GOLGA8A: variants seen among roughly 807,000 people sequenced by gnomAD.
The protein encoded by GOLGA8A is golgin A8 family member A, also known as golgin subfamily A member 8A.
GOLGA8A carries 3 observed loss-of-function variants against 22.1 expected under a neutral mutation model. The ratio of observed to expected loss-of-function variants is 0.14; its 90% CI spans 0.06 to 0.35. The LOEUF (loss-of-function observed/expected upper bound fraction) is 0.35, where lower values mean the gene tolerates loss of function less well. GOLGA8A is among the 10% of genes least tolerant of loss of function. The pLI is 1.00. For missense variants in GOLGA8A, 16 were observed against 233.2 expected, an observed-to-expected ratio of 0.07 and a Z score of 6.07; for synonymous variants, 7 against 91.7, an observed-to-expected ratio of 0.08 and a Z score of 5.28.
chr15:34,424,927 C>A (rs1892921306), intron 2 of GOLGA8A, among the ~76,000 whole-genome samples: 1 of 140,280 alleles, frequency 7.1e-6, no homozygotes, highest in African/African-American at 2.7e-5. Flanking sequence ...TGGAAAAACC[C>A]CACCTCTACA....
chr15:34,426,815 A>G lies in GOLGA8A; in HGVS notation c.-1123+8568T>C, dbSNP rs536784906. On this transcript the variant is annotated intron_variant, in intron 2 of 24. Transcript: ENST00000359187. ...TCCCAGCTACTCAGGAGACCGAGGCAGGAGGATTGCCTGAGCCCAGGAGTT... is the reference window on the plus strand; with the variant it reads ...TCCCAGCTACTCAGGAGACCGAGGCGGGAGGATTGCCTGAGCCCAGGAGTT... Among the ~76,000 whole-genome samples the G allele has an allele frequency of 3.4e-3, 462 of 134,862 alleles. 4 individuals are homozygous for G. Among genetic ancestry groups the G allele is most frequent in the South Asian group, 0.013 (44 of 3,326 alleles). The allele number at this position is 134,862 out of a possible 152,430, so 88.5% of individuals were successfully genotyped here.
intron 5 of GOLGA8A, among the ~76,000 whole-genome samples, chr15:34,403,028 T>A (rs868289866): frequency 0.029 from 3,228 of 110,420 alleles, 82 homozygotes; most frequent in African/African-American, 0.12. Flanking sequence ...TGAAGCATTA[T>A]GAAGTTTCAA....
At chr15:34,434,766 C>A (rs1233678019) in intron 2 of GOLGA8A, among the ~76,000 whole-genome samples, 1 of 149,422 alleles carries the variant, frequency 6.7e-6, no homozygotes, top group Non-Finnish European at 1.5e-5. Flanking sequence ...TCTGGGAGGC[C>A]TGCCTGGTCA....
chr15:34,417,387 C>T lies in GOLGA8A; in HGVS notation c.-1122-9652G>A, dbSNP rs201263072. 26 of 83,230 alleles carry T rather than the reference C, an allele frequency of 3.1e-4. 1 individual carries two copies. Among genetic ancestry groups the T allele is most frequent in the African/African-American group, 8.1e-4 (21 of 25,944 alleles). The allele number at this position is 83,230 out of a possible 1,614,324, so 5.2% of individuals were successfully genotyped here. ...ACAATCTTTATTCTTCACTGTAATT[C>T]CCATGGAGCCTCAGGAAAAAGAGCA... On this transcript the variant is annotated intron_variant, in intron 2 of 24. Coordinates refer to ENST00000359187, the MANE Select transcript of GOLGA8A (RefSeq NM_181077.5).
At position 34,380,100 on chromosome 15, in the gene GOLGA8A, T is replaced by C. The variant is rs963663210; in HGVS notation, c.*1311A>G. On this transcript the variant is annotated 3_prime_UTR_variant, in exon 25 of 25. Transcript: ENST00000359187. ...TAATACTGTCTACTAAAATTCCTTT[T>C]TGTTTCAACTAAGTACTCTCACATA... is the stretch of plus-strand genomic sequence containing the variant. The C allele has an allele frequency of 5.2e-5, 8 of 152,542 alleles. No homozygotes were observed. Among genetic ancestry groups the C allele is most frequent in the Non-Finnish European group, 1.0e-4 (7 of 68,052 alleles). The allele number at this position is 152,542 out of a possible 1,614,324, so 9.4% of individuals were successfully genotyped here. A position where few individuals can be genotyped will look rare whatever the true frequency, so the allele number is the denominator to read the frequency against.
At chr15:34,419,874 G>GT (rs1892725573) in intron 2 of GOLGA8A, 2 of 132,884 alleles carry the variant, frequency 1.5e-5, no homozygotes, top group South Asian at 2.8e-4. Context: ...ACAAATGATT[G>GT]TATGATTTCA....
intron 5 of GOLGA8A, among the ~76,000 whole-genome samples, chr15:34,402,940 T>A (rs1412161008): frequency 1.1e-5 from 1 of 89,514 alleles, no homozygotes; most frequent in African/African-American, 5.1e-5. Context: ...GACAAAAAAA[T>A]TTCGATGGAC....
In GOLGA8A at chr15:34,437,414, G is replaced by GC. The variant is rs1302582580; in HGVS notation, c.-1229dup. On this transcript the variant is annotated 5_prime_UTR_variant, in exon 1 of 25. Transcript: ENST00000359187. ...CCAGCTTACCTGGCCAGGGCGCGGGGCTGCCCCGGTCCGCCGCCGTCCTCG... is the reference window on the plus strand; with the variant it reads ...CCAGCTTACCTGGCCAGGGCGCGGGGCCTGCCCCGGTCCGCCGCCGTCCTCG... The GC allele has an allele frequency of 3.5e-5, 5 of 141,260 alleles. No individual in the cohort carries two copies. The highest frequency in any genetic ancestry group is 2.1e-4 in the East Asian group (1 of 4,746). 8.8% of individuals were successfully genotyped at this position (141,260 alleles called of 1,614,324 possible).
At chr15:34,430,996 AAG>A (rs1893204419) in intron 2 of GOLGA8A, among the ~76,000 whole-genome samples, 1 of 124,086 alleles carries the variant, frequency 8.1e-6, no homozygotes, top group Non-Finnish European at 1.8e-5. Flanking sequence ...ATTACACCAA[AAG>A]ACTGAGAAAC....
chr15:34,437,314 C>A (rs1011464482), intron 1 of GOLGA8A, 84 bp downstream of exon 1: 3 of 143,868 alleles, frequency 2.1e-5, no homozygotes, highest in African/African-American at 2.6e-5. Context: ...CGCCGCCCCC[C>A]ACGCGTCCGG....
intron 2 of GOLGA8A, among the ~76,000 whole-genome samples, chr15:34,431,318 T>C (rs59949013): frequency 0.014 from 187 of 12,914 alleles, 1 homozygote; most frequent in African/African-American, 0.023. Flanking sequence ...TATACATATA[T>C]ATATATATAT....
At chr15:34,420,387 G>A (rs1892749178) in intron 2 of GOLGA8A, 1 of 147,732 alleles carries the variant, frequency 6.8e-6, no homozygotes, top group African/African-American at 2.5e-5. Context: ...TGAACTGTAA[G>A]GAGCACGCAG....
At chr15:34,426,302 G>A (rs1323891009) in intron 2 of GOLGA8A, among the ~76,000 whole-genome samples, 7 of 149,512 alleles carry the variant, frequency 4.7e-5, no homozygotes, top group Non-Finnish European at 1.0e-4. Context: ...GCTGGTGAGC[G>A]GATCGAACTG....
At chr15:34,427,214 C>T (rs11073037) in intron 2 of GOLGA8A, among the ~76,000 whole-genome samples, 79,657 of 144,758 alleles carry the variant, frequency 0.55, 25,898 homozygotes, top group Non-Finnish European at 0.66. Flanking sequence ...GCCTGTAGTC[C>T]CAGCTACTCG....
Position 34,428,530 on chromosome 15 carries a change from C to G in GOLGA8A, c.-1123+6853G>C, listed in dbSNP as rs74355392. ...GATAATGAAGCGGACGTGGGCCTCA[C>G]GGGAGGGAATACTGTCCCCCACCTC... On this transcript the variant is annotated intron_variant, in intron 2 of 24. Coordinates refer to ENST00000359187, the MANE Select transcript of GOLGA8A (RefSeq NM_181077.5). 6.8e-4 allele frequency: 102 copies of G among 149,260 alleles called. 6 individuals carry two copies. Among genetic ancestry groups the G allele is most frequent in the Non-Finnish European group, 1.2e-3 (80 of 67,174 alleles). 9.2% of individuals were successfully genotyped at this position (149,260 alleles called of 1,614,324 possible).
intron 2 of GOLGA8A, among the ~76,000 whole-genome samples, chr15:34,425,398 A>AC (rs1249271892): frequency 2.1e-5 from 3 of 145,562 alleles, no homozygotes; most frequent in Non-Finnish European, 3.0e-5. Flanking sequence ...TAAAAAAAAA[A>AC]AAACTACATC....
intron 2 of GOLGA8A, among the ~76,000 whole-genome samples, chr15:34,425,388 T>C (rs1433890660): frequency 1.5e-5 from 2 of 129,282 alleles, no homozygotes; most frequent in Non-Finnish European, 3.3e-5. Flanking sequence ...TGGAATCCTA[T>C]AAAAAAAAAA....
chr15:34,431,329 A>C (rs1365874063), intron 2 of GOLGA8A, among the ~76,000 whole-genome samples: 1,208 of 35,278 alleles, frequency 0.034, 36 homozygotes, highest in African/African-American at 0.089. Flanking sequence ...ATATATATAT[A>C]TATATATATA....
intron 8 of GOLGA8A, among the ~76,000 whole-genome samples, chr15:34,397,370 C>A (rs554909475): frequency 6.8e-6 from 1 of 147,594 alleles, no homozygotes; most frequent in African/African-American, 2.4e-5. Flanking sequence ...TGCTCCTGCT[C>A]GCTCAATTTT....
Sources: allele counts gnomAD v4.1 joint callset (sites outside exome capture counted in the v4.1 genomes callset), GRCh38; gene constraint gnomAD v4.1.1; transcripts MANE v1.5; gene names NCBI Gene and HGNC (gene_info 2026-07-23, HGNC 2026-07-21).